Variants in IRGC observed in about 807,000 individuals in gnomAD.
IRGC encodes immunity related GTPase cinema, also known as interferon-inducible GTPase 5.
Under a neutral mutation model 16.1 loss-of-function variants are expected in IRGC, and 4 were observed. The ratio of observed to expected loss-of-function variants is 0.25; its 90% CI spans 0.12 to 0.57. The LOEUF is 0.57. IRGC is among the 20% of genes least tolerant of loss of function. The pLI is 0.92. For synonymous variants in IRGC, 307 were observed against 299.5 expected, an observed-to-expected ratio of 1.03 and a Z score of -0.26; for missense variants, 570 against 643.9, an observed-to-expected ratio of 0.89 and a Z score of 1.24.
intron 1 of IRGC, among the ~76,000 whole-genome samples, chr19:43,716,366 T>C (rs1215447824): frequency 2.0e-5 from 3 of 151,290 alleles, no homozygotes; most frequent in African/African-American, 4.8e-5. Context: ...TCTTTTTTTT[T>C]TCCTTTTTTT....
At position 43,719,973 on chromosome 19, in the gene IRGC, C is replaced by A; in HGVS notation, c.*23C>A. On this transcript the variant is annotated 3_prime_UTR_variant, in exon 2 of 2. Transcript: ENST00000244314. The stretch of plus-strand genomic sequence containing the variant: ...TAAAGAGTGCAGCCCCGCCCCCCTG[C>A]CTCACCCACAAACTAAGTCTTAACA... 1 of 1,611,074 alleles carries A rather than the reference C, an allele frequency of 6.2e-7. No individual in the cohort carries two copies.
rs769478618 is a variant in IRGC at position 43,718,533 on chromosome 19, C to T, written c.-26C>T. On this transcript the variant is annotated 5_prime_UTR_variant, in exon 2 of 2. Transcript: ENST00000244314. ...CATCCTGTGACTCTCCCCTGTCCCCCGCCACCCTCTGAACCACTGGCCACC... is the reference window on the plus strand; with the variant it reads ...CATCCTGTGACTCTCCCCTGTCCCCTGCCACCCTCTGAACCACTGGCCACC... 7 of 1,538,486 alleles carry T rather than the reference C, an allele frequency of 4.5e-6. No individual in the cohort carries two copies. The highest frequency in any genetic ancestry group is 2.8e-5 in the African/African-American group (2 of 72,726).
rs1568586569 is a variant in IRGC at position 43,719,264 on chromosome 19, C to T, written c.706C>T (p.Leu236=). The T allele has an allele frequency of 6.2e-7, 1 of 1,608,816 alleles. No homozygotes were observed. ...PTLVSTWEHD[L]PSHRRHAGLL... is the part of the protein sequence containing the mutation. ...GCTGGTGTCCACCTGGGAGCACGAC[C>T]TGCCCTCCCACCGGCGCCACGCTGG... is the stretch of plus-strand genomic sequence containing the variant. Residue 236 remains leucine (L), a synonymous_variant, in exon 2 of 2, where the codon CTG becomes TTG. Transcript: ENST00000244314.
intron 1 of IRGC, 187 bp from the exon 2 acceptor site, chr19:43,718,306 G>A: frequency 3.8e-6 from 2 of 523,058 alleles, no homozygotes; most frequent in Non-Finnish European, 6.0e-6. Flanking sequence ...TGGCAGAAAA[G>A]GGATGTGAAC....
Position 43,718,957 on chromosome 19 carries a change from C to G in IRGC, c.399C>G (p.Arg133=), listed in dbSNP as rs202237271. Reference sequence around the variant, plus strand: ...ACCTAAAGCAGGTAGACTTCAGCCGCTATGACTTCTTCCTGCTGGTCTCCC... The same window carrying G: ...ACCTAAAGCAGGTAGACTTCAGCCGGTATGACTTCTTCCTGCTGGTCTCCC... The part of the protein sequence containing the change: ...DKYLKQVDFS[R]YDFFLLVSPR... The change falls in exon 2 of 2, where the codon CGC becomes CGG. Residue 133 remains arginine, a synonymous_variant. Coordinates refer to ENST00000244314, the MANE Select transcript of IRGC (RefSeq NM_019612.4). 5.2e-5 allele frequency: 83 copies of G among 1,611,106 alleles called. No homozygotes were observed. Among genetic ancestry groups the G allele is most frequent in the Admixed American group, 5.0e-4 (30 of 59,748 alleles).
In IRGC at chr19:43,719,135, G is replaced by C; in HGVS notation, c.577G>C (p.Glu193Gln). The C allele has an allele frequency of 6.2e-7, 1 of 1,610,698 alleles. No individual in the cohort carries two copies. Among genetic ancestry groups the C allele is most frequent in the East Asian group, 2.2e-5 (1 of 44,828 alleles). ...SGFREAAVLQ[E>Q]IRDHCAERLR... Reference sequence around the variant, plus strand: ...CTTCAGAGAGGCCGCTGTCCTGCAGGAGATCCGAGACCACTGTGCCGAGCG... The same window carrying C: ...CTTCAGAGAGGCCGCTGTCCTGCAGCAGATCCGAGACCACTGTGCCGAGCG... The change falls in exon 2 of 2, where the codon GAG becomes CAG. Residue 193 changes from glutamate (E) to glutamine (Q), a missense_variant. Transcript: ENST00000244314.
Position 43,718,619 on chromosome 19 carries a change from A to T in IRGC, c.61A>T (p.Lys21Ter), listed in dbSNP as rs1242025861. Residue 21 changes from lysine (K) to a stop codon, truncating the protein, a stop_gained, in exon 2 of 2, where the codon AAG becomes TAG. Transcript: ENST00000244314. LOFTEE classifies it low-confidence loss of function (END_TRUNC). ...GGAGGAAAACACCATCCTTATGGCC[A>T]AGGAAAGGCTGGAGGCCCTGCGCAC... is the stretch of plus-strand genomic sequence containing the variant. ...GEEENTILMA[K>*]ERLEALRTAF... 1 of 1,611,636 alleles carries T rather than the reference A, an allele frequency of 6.2e-7. No individual in the cohort carries two copies. The highest frequency in any genetic ancestry group is 1.1e-5 in the South Asian group (1 of 90,900).
rs541211616 is a variant in IRGC at position 43,718,822 on chromosome 19, C to A, written c.264C>A (p.Gly88=). 2 of 1,612,882 alleles carry A rather than the reference C, an allele frequency of 1.2e-6. No homozygotes were observed. Among genetic ancestry groups the A allele is most frequent in the South Asian group, 2.2e-5 (2 of 91,094 alleles). ...EAEDPGAALT[G]VMETTMQPSP... ...AGGACCCTGGCGCGGCTCTCACGGG[C>A]GTCATGGAGACCACGATGCAACCGT... Residue 88 remains glycine (G), a synonymous_variant, in exon 2 of 2, where the codon GGC becomes GGA. Coordinates refer to ENST00000244314, the MANE Select transcript of IRGC (RefSeq NM_019612.4).
chr19:43,717,045 G>A (rs1968180961), intron 1 of IRGC, among the ~76,000 whole-genome samples: 1 of 152,160 alleles, frequency 6.6e-6, no homozygotes, highest in South Asian at 2.1e-4. Context: ...GGATCTGAGG[G>A]GGGACCATCA....
At position 43,719,283 on chromosome 19, in the gene IRGC, A is replaced by G. The variant is rs1388289305; in HGVS notation, c.725A>G (p.His242Arg). The G allele has an allele frequency of 1.2e-6, 2 of 1,609,054 alleles. No individual in the cohort carries two copies. The highest frequency in any genetic ancestry group is 2.7e-5 in the African/African-American group (2 of 74,866). ...WEHDLPSHRR[H>R]AGLLSLPDIS... The stretch of plus-strand genomic sequence containing the variant: ...CACGACCTGCCCTCCCACCGGCGCC[A>G]CGCTGGCCTGCTGTCGCTCCCCGAC... Residue 242 changes from histidine (H) to arginine (R), a missense_variant, in exon 2 of 2, where the codon CAC (histidine) becomes CGC (arginine). Physicochemically the swap from His to Arg is conservative, Grantham distance 29. Transcript: ENST00000244314.
Position 43,718,674 on chromosome 19 carries a change from C to T in IRGC, c.116C>T (p.Ala39Val). 1 of 1,613,580 alleles carries T rather than the reference C, an allele frequency of 6.2e-7. No individual in the cohort carries two copies. The highest frequency in any genetic ancestry group is 8.5e-7 in the Non-Finnish European group (1 of 1,180,018). Residue 39 changes from alanine (A) to valine (V), a missense_variant, in exon 2 of 2, where the codon GCC (alanine) becomes GTC (valine). Transcript: ENST00000244314. Reference sequence around the variant, plus strand: ...TTTGAGTCGGGTGACCTCCCCCAGGCCGCCTCTCACCTCCAGGAGCTGCTG... The same window carrying T: ...TTTGAGTCGGGTGACCTCCCCCAGGTCGCCTCTCACCTCCAGGAGCTGCTG... ...TAFESGDLPQ[A>V]ASHLQELLAS... is the part of the protein sequence containing the mutation.
intron 1 of IRGC, among the ~76,000 whole-genome samples, chr19:43,717,312 C>T (rs1357443257): frequency 1.3e-5 from 2 of 152,278 alleles, no homozygotes; most frequent in Non-Finnish European, 2.9e-5. Context: ...CGAGGACTTG[C>T]TCAAAGTCAC....
chr19:43,718,732 C>T lies in IRGC; in HGVS notation c.174C>T (p.Gly58=), dbSNP rs767171099. The T allele has an allele frequency of 3.1e-6, 5 of 1,612,900 alleles. No homozygotes were observed. Among genetic ancestry groups the T allele is most frequent in the South Asian group, 1.1e-5 (1 of 90,998 alleles). The change falls in exon 2 of 2, where the codon GGC becomes GGT. Residue 58 remains glycine (G), a synonymous_variant. Transcript: ENST00000244314. ...CGGAAAGCATCCGCCTGGAGGTGGG[C>T]GTCACGGGCGAGTCGGGCGCGGGCA... ...ASTESIRLEV[G]VTGESGAGKS... is the part of the protein sequence containing the mutation.
At position 43,719,401 on chromosome 19, in the gene IRGC, G is replaced by A. The variant is rs201293395; in HGVS notation, c.843G>A (p.Pro281=). Residue 281 remains proline, a synonymous_variant, in exon 2 of 2, where the codon CCG becomes CCA. Coordinates refer to ENST00000244314, the MANE Select transcript of IRGC (RefSeq NM_019612.4). Reference sequence around the variant, plus strand: ...TGTTGGGCGTCATCCAGGCCCTGCCGGTCCCAGGGCTGGCGGCCGCCTACG... The same window carrying A: ...TGTTGGGCGTCATCCAGGCCCTGCCAGTCCCAGGGCTGGCGGCCGCCTACG... The part of the protein sequence containing the change: ...ALVLGVIQAL[P]VPGLAAAYDD... The A allele has an allele frequency of 7.7e-5, 124 of 1,608,522 alleles. No homozygotes were observed. Among genetic ancestry groups the A allele is most frequent in the Non-Finnish European group, 9.8e-5 (115 of 1,176,464 alleles).
At chr19:43,716,487 G>A (rs1006410843) in intron 1 of IRGC, among the ~76,000 whole-genome samples, 3 of 151,884 alleles carry the variant, frequency 2.0e-5, no homozygotes, top group Non-Finnish European at 4.4e-5. Flanking sequence ...ACAGGCATGC[G>A]CCACAACACC....
chr19:43,718,985 C>G lies in IRGC; in HGVS notation c.427C>G (p.Arg143Gly), dbSNP rs773895502. 5.6e-6 allele frequency: 9 copies of G among 1,610,216 alleles called. No individual in the cohort carries two copies. In the South Asian group the frequency reaches 6.6e-5, roughly 12 times the overall value. ...TGACTTCTTCCTGCTGGTCTCCCCC[C>G]GCCGCTGCGGGGCCGTCGAGACCCG... ...RYDFFLLVSP[R>G]RCGAVETRLA... The change falls in exon 2 of 2, where the codon CGC becomes GGC. Residue 143 changes from arginine (R) to glycine (G), a missense_variant. Arg to Gly is a moderately radical substitution (Grantham distance 125, BLOSUM62 -2). Coordinates refer to ENST00000244314, the MANE Select transcript of IRGC (RefSeq NM_019612.4).
rs781658368 is a variant in IRGC, at chr19:43,718,879, G to A, written c.321G>A (p.Val107=). The change falls in exon 2 of 2, where the codon GTG becomes GTA. Residue 107 remains valine (V), a synonymous_variant. Transcript: ENST00000244314. ...ATCCACACCCACAGTTCCCTGACGT[G>A]ACCCTCTGGGACCTGCCAGGAGCCG... ...SPYPHPQFPD[V]TLWDLPGAGS... 2 of 1,613,314 alleles carry A rather than the reference G, an allele frequency of 1.2e-6. No homozygotes were observed. Among genetic ancestry groups the A allele is most frequent in the Admixed American group, 1.7e-5 (1 of 60,020 alleles).
At position 43,718,944 on chromosome 19, in the gene IRGC, T is replaced by C; in HGVS notation, c.386T>C (p.Val129Ala). 1 of 1,611,970 alleles carries C rather than the reference T, an allele frequency of 6.2e-7. No individual in the cohort carries two copies. Among genetic ancestry groups the C allele is most frequent in the Non-Finnish European group, 8.5e-7 (1 of 1,179,546 alleles). The change falls in exon 2 of 2, where the codon GTA (valine) becomes GCA (alanine). Residue 129 changes from valine (V) to alanine (A), a missense_variant. Physicochemically the swap from Val to Ala is moderately conservative, Grantham distance 64 (BLOSUM62 0). Transcript: ENST00000244314. Reference protein sequence around the residue: ...GCPADKYLKQVDFSRYDFFLL... With the variant: ...GCPADKYLKQADFSRYDFFLL... ...CCGGCTGACAAGTACCTAAAGCAGG[T>C]AGACTTCAGCCGCTATGACTTCTTC... is the stretch of plus-strand genomic sequence containing the variant.
chr19:43,717,278 G>A (rs1968185471), intron 1 of IRGC, among the ~76,000 whole-genome samples: 1 of 152,164 alleles, frequency 6.6e-6, no homozygotes, highest in South Asian at 2.1e-4. Context: ...TATCCCCCAC[G>A]GGGCAGCTGA....
Sources: gnomAD v4.1 joint callset for allele counts (sites outside exome capture counted in the v4.1 genomes callset) on GRCh38, gnomAD v4.1.1 for gene constraint, MANE v1.5 for transcripts, NCBI Gene and HGNC (gene_info 2026-07-23, HGNC 2026-07-21) for gene names.